R3HCC1L: variants seen among roughly 807,000 people sequenced by gnomAD.
The protein encoded by R3HCC1L is R3H domain and coiled-coil containing 1 like.
In R3HCC1L, 51 loss-of-function variants were observed where a neutral mutation model predicts 59.9. That is an observed-to-expected ratio of 0.85 (90% confidence interval 0.68 to 1.07). R3HCC1L has a LOEUF of 1.07. Ranked by LOEUF, R3HCC1L falls within the 50% of genes least tolerant of loss-of-function variation. The pLI is 0.00. For missense variants in R3HCC1L, 965 were observed against 933.0 expected (o/e 1.03, Z -0.45); for synonymous variants, 322 against 315.2 (o/e 1.02, Z -0.23).
rs184706205 is a variant in R3HCC1L at position 98,190,770 on chromosome 10, A to T, written c.-14-17331A>T. 4.3e-3 allele frequency among the ~76,000 whole-genome samples: 651 copies of T among 152,270 alleles called. 1 individual carries two copies. Among genetic ancestry groups the T allele is most frequent in the Non-Finnish European group, 7.1e-3 (485 of 68,020 alleles). ...CTTCACCCATCAAATTATCATTTACATTAGGTATTTCACCTAATGCTATCC... is the reference window on the plus strand; with the variant it reads ...CTTCACCCATCAAATTATCATTTACTTTAGGTATTTCACCTAATGCTATCC... On this transcript the variant is annotated intron_variant, in intron 4 of 9. Coordinates refer to ENST00000298999, the MANE Select transcript of R3HCC1L (RefSeq NM_001351015.2).
chr10:98,212,842 A>G (rs1480237905), intron 5 of R3HCC1L, among the ~76,000 whole-genome samples: 1 of 152,158 alleles, frequency 6.6e-6, no homozygotes, highest in East Asian at 1.9e-4. Flanking sequence ...TTGAATTTTT[A>G]GATAGGGGTA....
At chr10:98,175,159 A>C (rs1371367259) in intron 4 of R3HCC1L, among the ~76,000 whole-genome samples, 1 of 152,204 alleles carries the variant, frequency 6.6e-6, no homozygotes, top group Admixed American at 6.5e-5. Flanking sequence ...GATTTAAGAA[A>C]GAAACCGTCA....
chr10:98,240,237 C>G (rs1300339888), intron 9 of R3HCC1L, among the ~76,000 whole-genome samples: 1 of 152,024 alleles, frequency 6.6e-6, no homozygotes, highest in African/African-American at 2.4e-5. Context: ...ACCTGAGAGG[C>G]GGAGGTTGCG....
At chr10:98,148,489 T>C (rs1845866152) in intron 1 of R3HCC1L, among the ~76,000 whole-genome samples, 1 of 152,202 alleles carries the variant, frequency 6.6e-6, no homozygotes, top group African/African-American at 2.4e-5. Flanking sequence ...GGCTTTCAGT[T>C]TTTCCCTATT....
chr10:98,240,180 C>T (rs1274416512), intron 9 of R3HCC1L, among the ~76,000 whole-genome samples: 1 of 152,152 alleles, frequency 6.6e-6, no homozygotes, highest in African/African-American at 2.4e-5. Flanking sequence ...GTGGCGCGCA[C>T]CTGTAGTCCC....
chr10:98,213,070 C>T (rs1428249456), intron 5 of R3HCC1L, among the ~76,000 whole-genome samples: 1 of 151,852 alleles, frequency 6.6e-6, no homozygotes, highest in Admixed American at 6.6e-5. Flanking sequence ...TAGTCTTTTG[C>T]AAAAATGGTG....
In R3HCC1L at chr10:98,209,630, G is replaced by T; in HGVS notation, c.1516G>T (p.Gly506Cys). ...GTKVLSDSAV[G>C]IDLGSTGDTT... ...AAAAGTTCTTTCAGACAGTGCCGTGGGCATTGACCTGGGTAGTACTGGTGA... is the reference window on the plus strand; with the variant it reads ...AAAAGTTCTTTCAGACAGTGCCGTGTGCATTGACCTGGGTAGTACTGGTGA... Residue 506 changes from glycine to cysteine, a missense_variant, in exon 5 of 10, where the codon GGC becomes TGC. Coordinates refer to ENST00000298999, the MANE Select transcript of R3HCC1L (RefSeq NM_001351015.2). 6.2e-7 allele frequency: 1 copy of T among 1,613,972 alleles called. No homozygotes were observed. Among genetic ancestry groups the T allele is most frequent in the East Asian group, 2.2e-5 (1 of 44,856 alleles).
At chr10:98,223,176 C>A (rs895842736) in intron 5 of R3HCC1L, among the ~76,000 whole-genome samples, 11 of 152,212 alleles carry the variant, frequency 7.2e-5, no homozygotes, top group Non-Finnish European at 1.2e-4. Flanking sequence ...GGAATCCTCC[C>A]TAACTCATTT....
intron 4 of R3HCC1L, among the ~76,000 whole-genome samples, chr10:98,172,302 A>G (rs113022866): frequency 3.6e-4 from 55 of 152,328 alleles, no homozygotes; most frequent in African/African-American, 1.3e-3. Context: ...GCTGCTAGGA[A>G]TGGAGCCCAG....
chr10:98,223,456 G>A (rs1366150489), intron 5 of R3HCC1L, among the ~76,000 whole-genome samples: 2 of 151,544 alleles, frequency 1.3e-5, no homozygotes, highest in African/African-American at 2.4e-5. Context: ...TATGTTTCTT[G>A]TGTTCTTTCA....
intron 6 of R3HCC1L, among the ~76,000 whole-genome samples, chr10:98,231,917 A>G (rs146354017): frequency 6.6e-6 from 1 of 152,308 alleles, no homozygotes; most frequent in East Asian, 1.9e-4. Flanking sequence ...ATTTAAGAAG[A>G]CTGTCATCAG....
chr10:98,178,019 G>T (rs1849219249), intron 4 of R3HCC1L, among the ~76,000 whole-genome samples: 1 of 152,160 alleles, frequency 6.6e-6, no homozygotes, highest in Non-Finnish European at 1.5e-5. Context: ...TGTTCACTCT[G>T]ATGGTAGTTT....
At chr10:98,174,836 T>C in intron 4 of R3HCC1L, 2 of 918,012 alleles carry the variant, frequency 2.2e-6, no homozygotes, top group South Asian at 1.0e-4. Flanking sequence ...TAGAAAAAAA[T>C]GTATTTTAGA....
intron 1 of R3HCC1L, among the ~76,000 whole-genome samples, chr10:98,142,811 T>C (rs10786392): frequency 0.68 from 103,177 of 151,924 alleles, 35,211 homozygotes; most frequent in African/African-American, 0.76. Flanking sequence ...GACATGTGCC[T>C]GTAGTCCCAG....
chr10:98,155,371 A>G (rs923709021), intron 1 of R3HCC1L, among the ~76,000 whole-genome samples: 3 of 152,000 alleles, frequency 2.0e-5, no homozygotes, highest in African/African-American at 7.2e-5. Flanking sequence ...AATTTTTTTT[A>G]TTTTTGAAGC....
rs906497789 is a variant in R3HCC1L, at chr10:98,153,610, A to T, written c.-267-2483A>T. Among the ~76,000 whole-genome samples, 7 of 120,450 alleles carry T rather than the reference A, an allele frequency of 5.8e-5. 1 individual carries two copies. In the South Asian group the frequency reaches 1.4e-3, roughly 25 times the overall value. The allele number at this position is 120,450 out of a possible 152,430, so 79.0% of individuals were successfully genotyped here. On this transcript the variant is annotated intron_variant, in intron 1 of 9. Transcript: ENST00000298999. ...GAGAAACACCCAAGAATGATCAATTAAAAAAAAAAAAAAAAAAAAAAGAAG... is the reference window on the plus strand; with the variant it reads ...GAGAAACACCCAAGAATGATCAATTTAAAAAAAAAAAAAAAAAAAAAGAAG...
intron 4 of R3HCC1L, among the ~76,000 whole-genome samples, chr10:98,196,698 C>T (rs1851470574): frequency 6.6e-6 from 1 of 152,188 alleles, no homozygotes; most frequent in South Asian, 2.1e-4. Context: ...TGCTACCACC[C>T]TAGACGTGCT....
intron 4 of R3HCC1L, among the ~76,000 whole-genome samples, chr10:98,190,302 A>C (rs1850688368): frequency 6.6e-6 from 1 of 152,154 alleles, no homozygotes; most frequent in African/African-American, 2.4e-5. Flanking sequence ...GAAGACCTTG[A>C]AAGTGTGGAA....
rs569108890 is a variant in R3HCC1L, at chr10:98,222,791, G to A, written c.1786-8721G>A. ...GATCAACAAAATTGATAGACCGCTA[G>A]CAAGACTAATAAAGAAAAAAAGAGA... On this transcript the variant is annotated intron_variant, in intron 5 of 9. Transcript: ENST00000298999. 4.4e-3 allele frequency among the ~76,000 whole-genome samples: 663 copies of A among 151,986 alleles called. 7 individuals carry two copies. The highest frequency in any genetic ancestry group is 0.015 in the African/African-American group (632 of 41,448).
Sources: allele counts gnomAD v4.1 joint callset (sites outside exome capture counted in the v4.1 genomes callset), GRCh38; gene constraint gnomAD v4.1.1; transcripts MANE v1.5; gene names NCBI Gene and HGNC (gene_info 2026-07-23, HGNC 2026-07-21).